Variants in EPB41L4A observed in about 807,000 individuals in gnomAD.
EPB41L4A encodes the protein erythrocyte membrane protein band 4.1 like 4A, also known as band 4.1-like protein 4A.
A neutral mutation model predicts 108.6 loss-of-function variants in EPB41L4A; 100 were observed. The ratio of observed to expected loss-of-function variants is 0.92; its 90% confidence interval spans 0.78 to 1.09. The LOEUF (loss-of-function observed/expected upper bound fraction) is 1.09. EPB41L4A is among the 50% of genes least tolerant of loss of function. The pLI, the probability that EPB41L4A is intolerant of heterozygous loss-of-function variation, is 0.00. For missense variants in EPB41L4A, 1,030 were observed against 842.7 expected (o/e 1.22, Z -2.75); for synonymous variants, 319 against 289.0 (o/e 1.10, Z -1.05).
At chr5:112,419,582 G>C (rs1038690235), upstream of EPB41L4A, 8 of 453,224 alleles carry the variant, frequency 1.8e-5, no homozygotes, top group Admixed American at 4.7e-5. Context: ...GCAGCCCCGG[G>C]TCAGATCCGC....
At chr5:112,194,295 A>G (rs2041135083) in intron 17 of EPB41L4A, among the ~76,000 whole-genome samples, 1 of 152,064 alleles carries the variant, frequency 6.6e-6, no homozygotes, top group African/African-American at 2.4e-5. Context: ...AATTCACTAC[A>G]CATTGTAGCT....
chr5:112,283,761 G>A (rs1023830457), intron 2 of EPB41L4A, among the ~76,000 whole-genome samples: 36 of 151,948 alleles, frequency 2.4e-4, no homozygotes, highest in African/African-American at 8.5e-4. Flanking sequence ...GACTAACCTC[G>A]CACTCACAGC....
intron 2 of EPB41L4A, among the ~76,000 whole-genome samples, chr5:112,306,410 G>A (rs1455429590): frequency 6.6e-6 from 1 of 152,010 alleles, no homozygotes; most frequent in Non-Finnish European, 1.5e-5. Context: ...CCAACCTTAT[G>A]AAATCCTCCT....
intron 1 of EPB41L4A, among the ~76,000 whole-genome samples, chr5:112,345,661 C>T (rs1330684561): frequency 6.6e-6 from 1 of 151,866 alleles, no homozygotes; most frequent in Non-Finnish European, 1.5e-5. Flanking sequence ...TTACCTAATG[C>T]CCTTTTACAG....
In EPB41L4A at chr5:112,259,276, C is replaced by A. The variant is rs1250779238; in HGVS notation, c.748G>T (p.Val250Phe). ...TCAAATTGAGTCTCCTTGAAGTGAA[C>A]CTTTGTAATCCGAGGCCTAAAAAAC... ...GKYFWPRITKVHFKETQFELR... is the reference protein window; with the variant it reads ...GKYFWPRITKFHFKETQFELR... The change falls in exon 9 of 23, where the codon GTT becomes TTT. Residue 250 changes from valine to phenylalanine, a missense_variant. Val to Phe is a conservative substitution (Grantham distance 50). Transcript: ENST00000261486. The A allele has an allele frequency of 1.2e-6, 2 of 1,613,844 alleles. No individual in the cohort carries two copies. The highest frequency in any genetic ancestry group is 2.2e-5 in the East Asian group (1 of 44,882).
At chr5:112,244,427 G>C (rs1750056611) in intron 9 of EPB41L4A, among the ~76,000 whole-genome samples, 1 of 152,132 alleles carries the variant, frequency 6.6e-6, no homozygotes, top group South Asian at 2.1e-4. Flanking sequence ...ATTCAGGTGG[G>C]TTAAGGGGTG....
chr5:112,373,809 A>G (rs945967119), intron 1 of EPB41L4A, among the ~76,000 whole-genome samples: 1 of 152,234 alleles, frequency 6.6e-6, no homozygotes, highest in Non-Finnish European at 1.5e-5. Flanking sequence ...CCAAGACTCA[A>G]TTTAAAGATA....
At chr5:112,356,845 G>A (rs889088338) in intron 1 of EPB41L4A, among the ~76,000 whole-genome samples, 5 of 152,178 alleles carry the variant, frequency 3.3e-5, no homozygotes, top group Admixed American at 6.5e-5. Context: ...GCAGTGGTCT[G>A]GAACATGTTG....
chr5:112,287,952 A>C (rs1262389497), intron 2 of EPB41L4A, among the ~76,000 whole-genome samples: 3 of 152,224 alleles, frequency 2.0e-5, no homozygotes, highest in Non-Finnish European at 4.4e-5. Flanking sequence ...AAGAACTATT[A>C]AAATATAAAG....
At chr5:112,314,204 G>A (rs1755257017) in intron 1 of EPB41L4A, among the ~76,000 whole-genome samples, 3 of 151,804 alleles carry the variant, frequency 2.0e-5, no homozygotes, top group African/African-American at 4.8e-5. Context: ...TTTTGAACAG[G>A]TAGACCAAAC....
intron 7 of EPB41L4A, among the ~76,000 whole-genome samples, chr5:112,262,246 G>C (rs1390511273): frequency 6.6e-6 from 1 of 152,080 alleles, no homozygotes; most frequent in East Asian, 1.9e-4. Flanking sequence ...CTTTGTATCT[G>C]TTATCCAGAT....
intron 1 of EPB41L4A, among the ~76,000 whole-genome samples, chr5:112,418,132 A>G (rs1762822211): frequency 6.6e-6 from 1 of 152,228 alleles, no homozygotes; most frequent in Non-Finnish European, 1.5e-5. Flanking sequence ...GAGAAAGATA[A>G]ACAAAACAAC....
chr5:112,220,910 G>C (rs889453330), intron 12 of EPB41L4A, among the ~76,000 whole-genome samples: 2 of 152,030 alleles, frequency 1.3e-5, no homozygotes, highest in Non-Finnish European at 2.9e-5. Flanking sequence ...CCCCCTCCAG[G>C]TTATTACCAT....
At chr5:112,155,190 T>G (rs1759605436) in intron 12 of EPB41L4A, among the ~76,000 whole-genome samples, 1 of 152,154 alleles carries the variant, frequency 6.6e-6, no homozygotes, top group Non-Finnish European at 1.5e-5. Context: ...TCAGATTACT[T>G]TATAAAGCTA....
At chr5:112,391,437 C>A (rs905801733) in intron 1 of EPB41L4A, among the ~76,000 whole-genome samples, 1 of 152,074 alleles carries the variant, frequency 6.6e-6, no homozygotes, top group Non-Finnish European at 1.5e-5. Flanking sequence ...GACGCATGTA[C>A]AAGCTTCAGT....
rs750927508 is a variant in EPB41L4A at position 112,168,820 on chromosome 5, A to C, written c.1851T>G (p.Asn617Lys). Residue 617 changes from asparagine (N) to lysine (K), a missense_variant and splice_region_variant, in exon 22 of 23, where the codon AAT (asparagine) becomes AAG (lysine). Physicochemically the swap from Asn to Lys is moderately conservative, Grantham distance 94. Transcript: ENST00000261486. Reference sequence around the variant, plus strand: ...GTGGTGGTACAAGATCTGTTTTTGAACTGCAGAGAATGAGTTTTAGAATTA... The same window carrying C: ...GTGGTGGTACAAGATCTGTTTTTGACCTGCAGAGAATGAGTTTTAGAATTA... ...DGERSVLSEV[N>K]SKTDLVPPLP... The C allele has an allele frequency of 9.9e-6, 16 of 1,613,150 alleles. No individual in the cohort carries two copies. In the African/African-American group the frequency reaches 2.0e-4, roughly 20 times the overall value.
chr5:112,405,191 T>A (rs1355309855), intron 1 of EPB41L4A, among the ~76,000 whole-genome samples: 1 of 152,200 alleles, frequency 6.6e-6, no homozygotes, highest in Non-Finnish European at 1.5e-5. Flanking sequence ...AGCTGCCATA[T>A]TGCAAAGTAC....
chr5:112,401,279 G>A (rs759288905), intron 1 of EPB41L4A, among the ~76,000 whole-genome samples: 1 of 152,126 alleles, frequency 6.6e-6, no homozygotes, highest in Non-Finnish European at 1.5e-5. Context: ...CAGACCTTCA[G>A]AGCTAGAAAA....
chr5:112,205,353 A>C, intron 14 of EPB41L4A, 68 bp downstream of exon 14: 1 of 1,324,626 alleles, frequency 7.5e-7, no homozygotes, highest in Non-Finnish European at 1.1e-6. Context: ...GGATTCCTTT[A>C]TTCAATGAGC....
Sources: allele counts gnomAD v4.1 joint callset (sites outside exome capture counted in the v4.1 genomes callset), GRCh38; gene constraint gnomAD v4.1.1; transcripts MANE v1.5; gene names NCBI Gene and HGNC (gene_info 2026-07-23, HGNC 2026-07-21).